Variants in AGMO observed in about 807,000 individuals in gnomAD.
The protein encoded by AGMO is glyceryl-ether monooxygenase.
In AGMO, 75 loss-of-function variants were observed where a neutral mutation model predicts 60.2. The observed-to-expected ratio is 1.25, with a 90% confidence interval of 1.03 to 1.51. AGMO has a LOEUF of 1.51. Among genes scored for constraint, AGMO ranks in the 40% most tolerant of loss-of-function variants. The probability of loss-of-function intolerance (pLI) is 0.00; values close to 1 mark genes in which losing one functional copy is unlikely to be tolerated. For synonymous variants in AGMO, 261 were observed against 177.1 expected (o/e 1.47, Z -3.76); for missense variants, 763 against 525.5 (o/e 1.45, Z -4.42).
In AGMO at chr7:15,317,223, A is replaced by T. The variant is rs553818482; in HGVS notation, c.1263+48291T>A. Among the ~76,000 whole-genome samples, 8 of 152,298 alleles carry T rather than the reference A, an allele frequency of 5.3e-5. No homozygotes were observed. The East Asian group carries it at 1.5e-3, about 29-fold the overall frequency. Reference sequence around the variant, plus strand: ...GGGATCAGTATTAACTTGAATCTTCATCCTTCAGTTTAAGATTATTTTTAT... The same window carrying T: ...GGGATCAGTATTAACTTGAATCTTCTTCCTTCAGTTTAAGATTATTTTTAT... On this transcript the variant is annotated intron_variant, in intron 12 of 12. Transcript: ENST00000342526.
intron 5 of AGMO, among the ~76,000 whole-genome samples, chr7:15,399,466 C>G (rs1045633737): frequency 3.3e-5 from 5 of 152,186 alleles, no homozygotes; most frequent in African/African-American, 9.7e-5. Context: ...CCAAACTTCA[C>G]AGAAACTTAA....
intron 12 of AGMO, among the ~76,000 whole-genome samples, chr7:15,222,491 ATGTTT>A (rs1381175361): frequency 6.6e-6 from 1 of 152,050 alleles, no homozygotes; most frequent in African/African-American, 2.4e-5. Flanking sequence ...AAGCAAAAAC[ATGTTT>A]TTCAATGTTA....
chr7:15,458,754 A>C (rs1583573395), intron 3 of AGMO, among the ~76,000 whole-genome samples: 1 of 152,122 alleles, frequency 6.6e-6, no homozygotes, highest in South Asian at 2.1e-4. Context: ...CTGAGCATCA[A>C]AAGGGATTAG....
intron 3 of AGMO, among the ~76,000 whole-genome samples, chr7:15,516,623 T>C (rs1783813562): frequency 6.6e-6 from 1 of 152,226 alleles, no homozygotes; most frequent in African/African-American, 2.4e-5. Flanking sequence ...CCTTGTCTTT[T>C]AAATTGTAAC....
chr7:15,329,443 CAAG>C (rs1359615401), intron 12 of AGMO, among the ~76,000 whole-genome samples: 2 of 152,156 alleles, frequency 1.3e-5, no homozygotes, highest in Non-Finnish European at 2.9e-5. Flanking sequence ...GAGGACATGA[CAAG>C]AAATTGTCTA....
At chr7:15,514,415 C>G (rs1352800489) in intron 3 of AGMO, among the ~76,000 whole-genome samples, 2 of 152,084 alleles carry the variant, frequency 1.3e-5, no homozygotes. Flanking sequence ...TTAGTACCAG[C>G]CACTGAACAC....
chr7:15,467,214 G>A (rs976334196), intron 3 of AGMO, among the ~76,000 whole-genome samples: 15 of 152,270 alleles, frequency 9.9e-5, no homozygotes, highest in African/African-American at 3.4e-4. Flanking sequence ...CCTAATAGAT[G>A]TGTTGAATTC....
intron 12 of AGMO, among the ~76,000 whole-genome samples, chr7:15,220,787 A>T (rs1049899849): frequency 6.6e-6 from 1 of 152,216 alleles, no homozygotes; most frequent in East Asian, 1.9e-4. Context: ...TATTATTATT[A>T]CCATAAATAG....
At chr7:15,502,804 T>C (rs1278301359) in intron 3 of AGMO, among the ~76,000 whole-genome samples, 2 of 152,072 alleles carry the variant, frequency 1.3e-5, no homozygotes, top group Non-Finnish European at 2.9e-5. Flanking sequence ...TAGTCACTAA[T>C]GGGCTAGAGA....
chr7:15,381,689 A>G (rs976796791), intron 10 of AGMO, among the ~76,000 whole-genome samples: 1 of 152,224 alleles, frequency 6.6e-6, no homozygotes, highest in Non-Finnish European at 1.5e-5. Context: ...ACAAGGGAAT[A>G]TAAATCATTC....
At chr7:15,337,040 A>G (rs928183352) in intron 12 of AGMO, among the ~76,000 whole-genome samples, 1 of 152,188 alleles carries the variant, frequency 6.6e-6, no homozygotes, top group Non-Finnish European at 1.5e-5. Flanking sequence ...CAATATCATC[A>G]TATGCCATCA....
chr7:15,221,598 G>A (rs912233588), intron 12 of AGMO, among the ~76,000 whole-genome samples: 12 of 152,120 alleles, frequency 7.9e-5, no homozygotes, highest in African/African-American at 2.9e-4. Context: ...GTGAGAAGCA[G>A]GATATGCTAC....
At chr7:15,156,123 G>T in the AGMO span, among the ~76,000 whole-genome samples, 1 of 152,208 alleles carries the variant, frequency 6.6e-6, no homozygotes, top group African/African-American at 2.4e-5. Flanking sequence ...CAGTAGAGTG[G>T]CAGGGAGTCC....
At chr7:15,557,221 T>G (rs1305930206) in intron 2 of AGMO, among the ~76,000 whole-genome samples, 1 of 152,146 alleles carries the variant, frequency 6.6e-6, no homozygotes. Flanking sequence ...ACACGTTCGC[T>G]TTGATTTCCA....
chr7:15,460,479 G>A (rs1412874384), intron 3 of AGMO, among the ~76,000 whole-genome samples: 1 of 151,912 alleles, frequency 6.6e-6, no homozygotes, highest in East Asian at 1.9e-4. Context: ...GAAATGAACA[G>A]AATATATTCA....
intron 3 of AGMO, among the ~76,000 whole-genome samples, chr7:15,527,964 C>T (rs1303837454): frequency 6.6e-6 from 1 of 152,120 alleles, no homozygotes; most frequent in African/African-American, 2.4e-5. Context: ...ATTACTGCTT[C>T]TTGTCAATGT....
intron 3 of AGMO, among the ~76,000 whole-genome samples, chr7:15,465,607 AT>A (rs1782263768): frequency 7.4e-6 from 1 of 134,294 alleles, no homozygotes; most frequent in African/African-American, 2.6e-5. Flanking sequence ...ATATATTTAT[AT>A]ATATATATGA....
chr7:15,292,256 A>T (rs1413017159), intron 12 of AGMO, among the ~76,000 whole-genome samples: 1 of 152,164 alleles, frequency 6.6e-6, no homozygotes, highest in African/African-American at 2.4e-5. Flanking sequence ...TAATGGCCCA[A>T]CAGTACTTTA....
chr7:15,460,151 G>T (rs527633673), intron 3 of AGMO, among the ~76,000 whole-genome samples: 1 of 140,182 alleles, frequency 7.1e-6, no homozygotes, highest in Non-Finnish European at 1.5e-5. Context: ...CTGTCCCCCA[G>T]GCCGGAGTGC....
Sources: gnomAD v4.1 joint callset for allele counts (sites outside exome capture counted in the v4.1 genomes callset) on GRCh38, gnomAD v4.1.1 for gene constraint, MANE v1.5 for transcripts, NCBI Gene and HGNC (gene_info 2026-07-23, HGNC 2026-07-21) for gene names.